The following NBAS variants were observed in gnomAD, a reference collection of about 807,000 sequenced individuals.
NBAS encodes the protein NAG/BC035112 fusion.
NBAS carries 219 observed loss-of-function variants against 302.5 expected under a neutral mutation model. The ratio of observed to expected loss-of-function variants is 0.72; its 90% CI spans 0.65 to 0.81. The LOEUF (loss-of-function observed/expected upper bound fraction) is 0.81, where lower values mean the gene tolerates loss of function less well. NBAS is among the 30% of genes least tolerant of loss of function. NBAS has a pLI of 0.00. For missense variants in NBAS, 2,932 were observed against 2,841.6 expected, an observed-to-expected ratio of 1.03 and a Z score of -0.72; for synonymous variants, 1,118 against 1,021.6, an observed-to-expected ratio of 1.09 and a Z score of -1.80.
the NBAS span, among the ~76,000 whole-genome samples, chr2:15,038,456 G>A: frequency 6.6e-6 from 1 of 152,102 alleles, no homozygotes; most frequent in Admixed American, 6.5e-5. Context: ...TTGATTATTA[G>A]ATAAGAACCA....
At chr2:15,079,579 C>G in the NBAS span, among the ~76,000 whole-genome samples, 3 of 152,176 alleles carry the variant, frequency 2.0e-5, no homozygotes, top group Non-Finnish European at 4.4e-5. Context: ...GCTGTTACTT[C>G]TGAAGTAGCA....
intron 13 of NBAS, among the ~76,000 whole-genome samples, chr2:15,476,383 G>A (rs1389718149): frequency 6.6e-6 from 1 of 151,740 alleles, no homozygotes; most frequent in Non-Finnish European, 1.5e-5. Context: ...ACTAATCAGA[G>A]AGGGAAAAAA....
the NBAS span, among the ~76,000 whole-genome samples, chr2:14,805,754 T>C: frequency 6.6e-6 from 1 of 152,244 alleles, no homozygotes; most frequent in Non-Finnish European, 1.5e-5. Flanking sequence ...TGCCTTTGTG[T>C]CTTAGCATGC....
chr2:15,445,020 G>C (rs376423260), intron 21 of NBAS, among the ~76,000 whole-genome samples: 14 of 150,692 alleles, frequency 9.3e-5, no homozygotes, highest in African/African-American at 2.9e-4. Flanking sequence ...TGCTGGAGAG[G>C]AGGTGGAGAA....
chr2:15,490,470 AATCT>A (rs1186875644), intron 11 of NBAS, among the ~76,000 whole-genome samples: 6 of 152,240 alleles, frequency 3.9e-5, no homozygotes, highest in Non-Finnish European at 8.8e-5. Flanking sequence ...CAAAATTTTA[AATCT>A]ATCACATCCC....
the NBAS span, among the ~76,000 whole-genome samples, chr2:14,799,527 A>G: frequency 1.3e-5 from 2 of 152,136 alleles, no homozygotes; most frequent in African/African-American, 2.4e-5. Flanking sequence ...AAGAAAACAT[A>G]TATTTCTGCT....
chr2:15,093,268 T>C, the NBAS span, among the ~76,000 whole-genome samples: 2 of 151,726 alleles, frequency 1.3e-5, no homozygotes, highest in Non-Finnish European at 2.9e-5. Context: ...ATACAAAAAT[T>C]AGTGGGTTGT....
chr2:15,164,554 T>TG (rs918826119), downstream of NBAS, among the ~76,000 whole-genome samples: 25 of 152,180 alleles, frequency 1.6e-4, no homozygotes, highest in African/African-American at 6.0e-4. Context: ...TGGCTCACCC[T>TG]GGGGGCCGCG....
chr2:14,962,088 T>C, the NBAS span, among the ~76,000 whole-genome samples: 1 of 152,204 alleles, frequency 6.6e-6, no homozygotes, highest in African/African-American at 2.4e-5. Context: ...CCTGTGATTT[T>C]CTATATCGTC....
chr2:14,826,008 T>C, the NBAS span, among the ~76,000 whole-genome samples: 2 of 152,184 alleles, frequency 1.3e-5, no homozygotes, highest in Non-Finnish European at 2.9e-5. Flanking sequence ...AGGATTCAAA[T>C]AGGTTTGGCA....
chr2:15,158,739 G>A, the NBAS span, among the ~76,000 whole-genome samples: 5 of 152,192 alleles, frequency 3.3e-5, no homozygotes, highest in Non-Finnish European at 7.3e-5. Flanking sequence ...GCTGAGTCAT[G>A]AGGATGTGGC....
At chr2:14,793,160 G>A in the NBAS span, among the ~76,000 whole-genome samples, 1 of 151,922 alleles carries the variant, frequency 6.6e-6, no homozygotes, top group Non-Finnish European at 1.5e-5. Flanking sequence ...GGATTCACCA[G>A]AAAATCAGTC....
chr2:14,789,540 G>C, the NBAS span, among the ~76,000 whole-genome samples: 1 of 152,166 alleles, frequency 6.6e-6, no homozygotes, highest in African/African-American at 2.4e-5. Context: ...TATATTGATA[G>C]AAATGTTTTA....
downstream of NBAS, chr2:15,166,892 G>A: frequency 3.0e-6 from 3 of 1,000,888 alleles, no homozygotes; most frequent in Non-Finnish European, 1.4e-6. Context: ...GAAAAAAAAG[G>A]TTAAAAAAGC....
At chr2:15,216,488 T>C (rs1666659408) in intron 48 of NBAS, among the ~76,000 whole-genome samples, 1 of 152,174 alleles carries the variant, frequency 6.6e-6, no homozygotes, top group Non-Finnish European at 1.5e-5. Flanking sequence ...TAAAGTCAAG[T>C]CAGTTTAGAA....
the NBAS span, among the ~76,000 whole-genome samples, chr2:14,999,924 T>G: frequency 6.6e-6 from 1 of 152,218 alleles, no homozygotes; most frequent in Non-Finnish European, 1.5e-5. Context: ...CATAGGGTAG[T>G]GTATACCAGA....
At chr2:15,142,221 C>T in the NBAS span, among the ~76,000 whole-genome samples, 2 of 152,096 alleles carry the variant, frequency 1.3e-5, no homozygotes, top group African/African-American at 4.8e-5. Flanking sequence ...TGAGGGGAAC[C>T]GGAAGACAGC....
intron 28 of NBAS, among the ~76,000 whole-genome samples, chr2:15,386,362 G>A (rs770203197): frequency 6.6e-6 from 1 of 152,074 alleles, no homozygotes; most frequent in South Asian, 2.1e-4. Flanking sequence ...TTTTACTGCT[G>A]GATTTTATTT....
chr2:15,383,643 T>A (rs1051798238), intron 28 of NBAS, among the ~76,000 whole-genome samples: 1 of 152,104 alleles, frequency 6.6e-6, no homozygotes, highest in Non-Finnish European at 1.5e-5. Context: ...TAAGGTAAAA[T>A]GAACCACTGC....
Sources: allele counts gnomAD v4.1 joint callset (sites outside exome capture counted in the v4.1 genomes callset), GRCh38; gene constraint gnomAD v4.1.1; transcripts MANE v1.5; gene names NCBI Gene and HGNC (gene_info 2026-07-23, HGNC 2026-07-21).